The following GPR137C variants were observed in gnomAD, a reference collection of about 807,000 sequenced individuals.
GPR137C encodes the protein integral membrane protein GPR137C.
GPR137C carries 27 observed loss-of-function variants against 43.4 expected under a neutral mutation model. The ratio of observed to expected loss-of-function variants is 0.62; its 90% CI spans 0.46 to 0.86. The LOEUF is 0.86. Among genes scored for constraint, GPR137C ranks in the 40% least tolerant of loss-of-function variants. The pLI is 0.00. For synonymous variants in GPR137C, 285 were observed against 226.9 expected (o/e 1.26, Z -2.30); for missense variants, 522 against 534.6 (o/e 0.98, Z 0.23).
At chr14:52,570,435 C>T (rs991885914) in intron 1 of GPR137C, among the ~76,000 whole-genome samples, 3 of 152,120 alleles carry the variant, frequency 2.0e-5, no homozygotes, top group African/African-American at 4.8e-5. Context: ...GAAACTGCAT[C>T]GACTAACGGG....
At chr14:52,568,427 G>T (rs1022877467) in intron 1 of GPR137C, among the ~76,000 whole-genome samples, 1 of 151,816 alleles carries the variant, frequency 6.6e-6, no homozygotes, top group Admixed American at 6.6e-5. Flanking sequence ...TTCATACCCC[G>T]GTGGCACCTG....
chr14:52,622,329 C>T (rs951639232), intron 3 of GPR137C, among the ~76,000 whole-genome samples: 9 of 151,892 alleles, frequency 5.9e-5, no homozygotes, highest in Admixed American at 1.3e-4. Context: ...TGTAACATCG[C>T]GCATTAATCA....
At chr14:52,593,747 GTCTC>G (rs1352635877) in intron 1 of GPR137C, among the ~76,000 whole-genome samples, 3 of 151,606 alleles carry the variant, frequency 2.0e-5, no homozygotes, top group East Asian at 1.9e-4. Flanking sequence ...CTTGCTAGCG[GTCTC>G]TCTATTTTGT....
At chr14:52,568,109 C>T (rs981679355) in intron 1 of GPR137C, among the ~76,000 whole-genome samples, 2 of 152,074 alleles carry the variant, frequency 1.3e-5, no homozygotes, top group Admixed American at 6.5e-5. Flanking sequence ...GTACCTGGCT[C>T]ATCTCATTGG....
At chr14:52,631,482 G>A (rs953367076) in intron 3 of GPR137C, among the ~76,000 whole-genome samples, 1 of 152,054 alleles carries the variant, frequency 6.6e-6, no homozygotes, top group African/African-American at 2.4e-5. Context: ...GGATTGTATG[G>A]AAATACAGAC....
chr14:52,626,913 G>A (rs1047779756), intron 3 of GPR137C, among the ~76,000 whole-genome samples: 1 of 152,042 alleles, frequency 6.6e-6, no homozygotes, highest in African/African-American at 2.4e-5. Flanking sequence ...CAAAAAGCAA[G>A]CAATATCTGT....
chr14:52,594,634 T>C (rs1301464254), intron 1 of GPR137C, among the ~76,000 whole-genome samples: 2 of 152,234 alleles, frequency 1.3e-5, no homozygotes, highest in African/African-American at 4.8e-5. Flanking sequence ...AGACTATGAT[T>C]GCAACCCCTG....
intron 3 of GPR137C, among the ~76,000 whole-genome samples, chr14:52,605,657 C>T (rs993344753): frequency 6.6e-6 from 1 of 152,126 alleles, no homozygotes; most frequent in Non-Finnish European, 1.5e-5. Context: ...AATTTTTCCC[C>T]ATTCAATATA....
chr14:52,590,548 G>C (rs530317578), intron 1 of GPR137C, among the ~76,000 whole-genome samples: 1 of 152,274 alleles, frequency 6.6e-6, no homozygotes, highest in East Asian at 1.9e-4. Context: ...TTCCAGCCCT[G>C]TAAGCTGCAT....
intron 1 of GPR137C, among the ~76,000 whole-genome samples, chr14:52,593,697 T>G (rs746780064): frequency 2.8e-4 from 43 of 152,180 alleles, no homozygotes; most frequent in Non-Finnish European, 5.9e-4. Context: ...CATTTTTTGT[T>G]GCATCTATTT....
At chr14:52,595,765 T>C (rs1351524204) in intron 1 of GPR137C, among the ~76,000 whole-genome samples, 2 of 152,228 alleles carry the variant, frequency 1.3e-5, no homozygotes, top group Non-Finnish European at 2.9e-5. Context: ...GGTTAGAACA[T>C]GCTCCTTTAG....
At chr14:52,582,988 T>C (rs997148570) in intron 1 of GPR137C, among the ~76,000 whole-genome samples, 2 of 152,126 alleles carry the variant, frequency 1.3e-5, no homozygotes, top group African/African-American at 4.8e-5. Flanking sequence ...AAAAGTAGAT[T>C]ATGTGATATA....
In GPR137C at chr14:52,632,213, C is replaced by T. The variant is rs374663985; in HGVS notation, c.771C>T (p.Tyr257=). 4 of 1,606,168 alleles carry T rather than the reference C, an allele frequency of 2.5e-6. No homozygotes were observed. Among genetic ancestry groups the T allele is most frequent in the Admixed American group, 1.7e-5 (1 of 59,916 alleles). Residue 257 remains tyrosine, a synonymous_variant, in exon 4 of 7, where the codon TAC becomes TAT. Transcript: ENST00000321662. The part of the protein sequence containing the change: ...VVVGSVVILL[Y]SSRACYNLVV... ...TGGGCTCTGTAGTCATTCTTCTGTACTCTTCCAGAGCTTGTTATAATTTGG... is the reference window on the plus strand; with the variant it reads ...TGGGCTCTGTAGTCATTCTTCTGTATTCTTCCAGAGCTTGTTATAATTTGG...
At chr14:52,557,599 C>G (rs550922360) in intron 1 of GPR137C, among the ~76,000 whole-genome samples, 1 of 152,294 alleles carries the variant, frequency 6.6e-6, no homozygotes, top group African/African-American at 2.4e-5. Flanking sequence ...CTATCTTGAT[C>G]TTATTTCTCC....
intron 2 of GPR137C, among the ~76,000 whole-genome samples, chr14:52,599,434 CTTT>C (rs376009711): frequency 5.0e-5 from 7 of 139,714 alleles, no homozygotes; most frequent in East Asian, 2.1e-4. Flanking sequence ...TTTTTTTTTC[CTTT>C]TTTTTTTTTT....
At position 52,552,863 on chromosome 14, in the gene GPR137C, G is replaced by A. The variant is rs2038096951; in HGVS notation, c.-285G>A. Among the ~76,000 whole-genome samples, 1 of 152,018 alleles carries A rather than the reference G, an allele frequency of 6.6e-6. No homozygotes were observed. Among genetic ancestry groups the A allele is most frequent in the African/African-American group, 2.4e-5 (1 of 41,406 alleles). On this transcript the variant is annotated 5_prime_UTR_variant, in exon 1 of 7. Transcript: ENST00000321662. ...TGCGGAGCGAGCGCCTCAAATGCTC[G>A]GGTTTCTCAGCTGATTGTCTCCAGC... is the stretch of plus-strand genomic sequence containing the variant.
At chr14:52,587,188 T>C (rs965716819) in intron 1 of GPR137C, among the ~76,000 whole-genome samples, 2 of 152,210 alleles carry the variant, frequency 1.3e-5, no homozygotes, top group African/African-American at 4.8e-5. Flanking sequence ...CTAGGCATTA[T>C]GGTAGGTATT....
intron 1 of GPR137C, among the ~76,000 whole-genome samples, chr14:52,576,656 C>T (rs2038557264): frequency 2.0e-5 from 3 of 152,160 alleles, no homozygotes; most frequent in Admixed American, 2.0e-4. Flanking sequence ...AACAAAGAAA[C>T]TCTGGACTTA....
intron 1 of GPR137C, among the ~76,000 whole-genome samples, chr14:52,586,883 T>C (rs1436382099): frequency 6.6e-6 from 1 of 152,238 alleles, no homozygotes; most frequent in African/African-American, 2.4e-5. Context: ...GAATATAGTT[T>C]AGTCAGCTCA....
Sources: allele counts gnomAD v4.1 joint callset (sites outside exome capture counted in the v4.1 genomes callset), GRCh38; gene constraint gnomAD v4.1.1; transcripts MANE v1.5; gene names NCBI Gene and HGNC (gene_info 2026-07-23, HGNC 2026-07-21).